EVL: variants seen among roughly 807,000 people sequenced by gnomAD.
EVL encodes Enah/Vasp-like.
A neutral mutation model predicts 59.6 loss-of-function variants in EVL; 21 were observed. The observed-to-expected ratio is 0.35, with a 90% CI of 0.25 to 0.51. The LOEUF is 0.51. Among genes scored for constraint, EVL ranks in the 20% least tolerant of loss-of-function variants. The probability of loss-of-function intolerance (pLI) is 0.97; values close to 1 mark genes in which losing one functional copy is unlikely to be tolerated. For missense variants in EVL, 462 were observed against 546.6 expected, an observed-to-expected ratio of 0.85 and a Z score of 1.54; for synonymous variants, 198 against 203.5, an observed-to-expected ratio of 0.97 and a Z score of 0.23.
chr14:100,094,059 T>G (rs1301775662), intron 2 of EVL, among the ~76,000 whole-genome samples: 1 of 152,200 alleles, frequency 6.6e-6, no homozygotes, highest in African/African-American at 2.4e-5. Context: ...TACCCACATT[T>G]CAGGTATCCA....
Position 100,129,457 on chromosome 14 carries a change from G to A in EVL, c.718-106G>A, listed in dbSNP as rs960836501. On this transcript the variant is annotated intron_variant, in intron 6 of 13. Transcript: ENST00000392920. ...CCCTGAGGCCCCTTGCAGTGCTGCT[G>A]CCATAGGATTCACACGCACACAGTC... 8.5e-6 allele frequency: 13 copies of A among 1,525,136 alleles called. No homozygotes were observed. The African/African-American group carries it at 1.1e-4, about 13-fold the overall frequency. 94.5% of individuals were successfully genotyped at this position (1,525,136 alleles called of 1,614,324 possible). A position where few individuals can be genotyped will look rare whatever the true frequency, so the allele number is the denominator to read the frequency against.
chr14:99,998,201 G>A (rs1398344827), intron 1 of EVL, among the ~76,000 whole-genome samples: 1 of 151,868 alleles, frequency 6.6e-6, no homozygotes, highest in African/African-American at 2.4e-5. Flanking sequence ...TTTATTATTT[G>A]TAGAACCATG....
chr14:100,129,460 A>G (rs1371146126), intron 6 of EVL, 103 bp from the exon 7 acceptor site: 18 of 1,536,938 alleles, frequency 1.2e-5, no homozygotes, highest in Non-Finnish European at 1.6e-5. Context: ...TGCTGCTGCC[A>G]TAGGATTCAC....
Position 99,972,153 on chromosome 14 carries a change from C to A in EVL, c.5+96C>A. 1 of 270,340 alleles carries A rather than the reference C, an allele frequency of 3.7e-6. No individual in the cohort carries two copies. The highest frequency in any genetic ancestry group is 7.0e-6 in the Non-Finnish European group (1 of 142,808). 16.7% of individuals were successfully genotyped at this position (270,340 alleles called of 1,614,324 possible). The stretch of plus-strand genomic sequence containing the variant: ...GGTGCCCCCGAGGGCGGGAGGGGGG[C>A]TCCACGGGCGCGGGGGCTTCCAGAG... On this transcript the variant is annotated intron_variant, in intron 1 of 13. Transcript: ENST00000402714. The surrounding 1 kb of genome is among the most constrained non-coding windows in gnomAD (Gnocchi z 4.4).
chr14:100,128,724 G>T lies in EVL; in HGVS notation c.693G>T (p.Gly231=). 1 of 1,606,672 alleles carries T rather than the reference G, an allele frequency of 6.2e-7. No individual in the cohort carries two copies. The highest frequency in any genetic ancestry group is 1.3e-5 in the African/African-American group (1 of 75,018). The change falls in exon 6 of 14, where the codon GGG becomes GGT. Residue 231 remains glycine, a synonymous_variant. Coordinates refer to ENST00000392920, the MANE Select transcript of EVL (RefSeq NM_016337.3). ...SMSGLAAAIA[G]AKLRRVQRPE... is the part of the protein sequence containing the mutation. ...CAGGACTGGCCGCTGCCATAGCTGG[G>T]GCCAAGCTGAGAAGAGTCCAACGGG...
chr14:100,143,834 G>A lies in EVL; in HGVS notation c.*96G>A, dbSNP rs577923360. On this transcript the variant is annotated 3_prime_UTR_variant, in exon 14 of 14. Transcript: ENST00000392920. Reference sequence around the variant, plus strand: ...CCCAGACTCCAGTGCACCAGAGCACGCACAGGAGCCTGGGCGCGCTGCTGT... The same window carrying A: ...CCCAGACTCCAGTGCACCAGAGCACACACAGGAGCCTGGGCGCGCTGCTGT... The A allele has an allele frequency of 1.0e-5, 15 of 1,467,472 alleles. No individual in the cohort carries two copies. Among genetic ancestry groups the A allele is most frequent in the Admixed American group, 7.7e-5 (4 of 52,176 alleles). 90.9% of individuals were successfully genotyped at this position (1,467,472 alleles called of 1,614,324 possible).
At chr14:100,033,731 T>G (rs2061347551) in intron 1 of EVL, among the ~76,000 whole-genome samples, 1 of 152,266 alleles carries the variant, frequency 6.6e-6, no homozygotes, top group Non-Finnish European at 1.5e-5. Flanking sequence ...ATGAGATAGC[T>G]GCTCTTGTTG....
intron 11 of EVL, chr14:100,138,018 C>T (rs1888920464): frequency 1.8e-5 from 11 of 603,976 alleles, no homozygotes; most frequent in South Asian, 1.4e-4. Context: ...GCAAGGAGGG[C>T]AGTGACCTGT....
At chr14:99,980,844 A>G (rs2060801316) in intron 1 of EVL, among the ~76,000 whole-genome samples, 1 of 151,718 alleles carries the variant, frequency 6.6e-6, no homozygotes, top group African/African-American at 2.4e-5. Flanking sequence ...GTTATTTTGA[A>G]TTTTGCTGGT....
rs114739371 is a variant in EVL, at chr14:100,096,104, G to A, written c.181-1377G>A. 9.4e-3 allele frequency among the ~76,000 whole-genome samples: 1,437 copies of A among 152,278 alleles called. 18 individuals carry two copies. Among genetic ancestry groups the A allele is most frequent in the African/African-American group, 0.032 (1,349 of 41,522 alleles). ...TCCCTGCCTGTGCCTGTCATAGGAA[G>A]ACCCAAGCCCACCTTCCACCCAAGA... On this transcript the variant is annotated intron_variant, in intron 2 of 13. Coordinates refer to ENST00000392920, the MANE Select transcript of EVL (RefSeq NM_016337.3).
intron 1 of EVL, among the ~76,000 whole-genome samples, chr14:100,054,635 T>C (rs2061698325): frequency 6.6e-6 from 1 of 152,048 alleles, no homozygotes; most frequent in African/African-American, 2.4e-5. Flanking sequence ...TATAGCTTTT[T>C]CTAAGCCATT....
intron 1 of EVL, among the ~76,000 whole-genome samples, chr14:99,988,688 A>G (rs1595545205): frequency 6.6e-6 from 1 of 152,252 alleles, no homozygotes; most frequent in East Asian, 1.9e-4. Context: ...CCAAATGTTC[A>G]CGAATCGATG....
At chr14:100,064,512 C>G (rs973987986), upstream of EVL, among the ~76,000 whole-genome samples, 2 of 152,236 alleles carry the variant, frequency 1.3e-5, no homozygotes, top group African/African-American at 2.4e-5. Flanking sequence ...CAGTATTCCT[C>G]AAGTGTTTTC....
At chr14:100,095,911 A>G (rs1885777552) in intron 2 of EVL, among the ~76,000 whole-genome samples, 1 of 152,188 alleles carries the variant, frequency 6.6e-6, no homozygotes. Context: ...TATTTTTAGT[A>G]GAGACGGGGT....
At chr14:100,117,641 C>T (rs1318548854) in intron 3 of EVL, among the ~76,000 whole-genome samples, 7 of 152,258 alleles carry the variant, frequency 4.6e-5, no homozygotes, top group South Asian at 4.1e-4. Context: ...ATTCCTAGGA[C>T]GAGGGAGGCT....
At chr14:100,085,052 C>T in intron 2 of EVL, 197 bp downstream of exon 2, 1 of 544,934 alleles carries the variant, frequency 1.8e-6, no homozygotes, top group Non-Finnish European at 3.2e-6. Context: ...TCCTGGATTT[C>T]ACTTTTTACC....
chr14:100,013,550 G>T (rs1487720072), intron 1 of EVL, among the ~76,000 whole-genome samples: 1 of 152,252 alleles, frequency 6.6e-6, no homozygotes, highest in Non-Finnish European at 1.5e-5. Flanking sequence ...ATAGCCACTT[G>T]TGGAGAGAAG....
intron 1 of EVL, among the ~76,000 whole-genome samples, chr14:100,043,151 T>C (rs2061491623): frequency 6.6e-6 from 1 of 152,160 alleles, no homozygotes; most frequent in South Asian, 2.1e-4. Context: ...GAAATCCATC[T>C]GAGCACCTCA....
chr14:100,026,516 C>T (rs768471610), intron 1 of EVL, among the ~76,000 whole-genome samples: 29 of 152,216 alleles, frequency 1.9e-4, no homozygotes, highest in Non-Finnish European at 2.6e-4. Flanking sequence ...CAGAGCTTGT[C>T]GTGGTGCCTG....
Sources: gnomAD v4.1 joint callset for allele counts (sites outside exome capture counted in the v4.1 genomes callset) on GRCh38, gnomAD v4.1.1 for gene constraint, Gnocchi (gnomAD v3.1) non-coding constraint, MANE v1.5 for transcripts, NCBI Gene and HGNC (gene_info 2026-07-23, HGNC 2026-07-21) for gene names.